Variants in C6orf62 observed in about 807,000 individuals in gnomAD.
C6orf62 encodes chromosome 6 open reading frame 62, also known as uncharacterized protein C6orf62.
C6orf62 carries 16 observed loss-of-function variants against 26.8 expected under a neutral mutation model. The ratio of observed to expected loss-of-function variants is 0.60; its 90% CI spans 0.40 to 0.91. The LOEUF is 0.91. C6orf62 is among the 40% of genes least tolerant of loss of function. C6orf62 has a pLI of 0.00. For synonymous variants in C6orf62, 112 were observed against 91.5 expected (o/e 1.22, Z -1.28); for missense variants, 192 against 271.4 (o/e 0.71, Z 2.06).
intron 1 of C6orf62, among the ~76,000 whole-genome samples, chr6:24,717,155 G>A (rs987861158): frequency 6.6e-6 from 1 of 152,120 alleles, no homozygotes; most frequent in South Asian, 2.1e-4. Context: ...GAATTATTCA[G>A]GGCAACTGCA....
chr6:24,719,965 G>C, upstream of C6orf62: 2 of 1,547,038 alleles, frequency 1.3e-6, no homozygotes, highest in Non-Finnish European at 8.7e-7. Context: ...GGAAGGTTCA[G>C]TGGGGGAAAA....
chr6:24,712,079 T>C (rs1779129976), intron 3 of C6orf62, among the ~76,000 whole-genome samples: 2 of 152,088 alleles, frequency 1.3e-5, no homozygotes, highest in South Asian at 4.1e-4. Flanking sequence ...AGATTAAATA[T>C]ATATAAAGTA....
intron 2 of C6orf62, among the ~76,000 whole-genome samples, chr6:24,715,208 A>G (rs1352150692): frequency 6.6e-6 from 1 of 152,218 alleles, no homozygotes; most frequent in African/African-American, 2.4e-5. Context: ...TGTAGCCAGC[A>G]TATTAATTTT....
chr6:24,714,451 AT>A lies in C6orf62; in HGVS notation c.307-12del. 1 of 1,511,870 alleles carries A rather than the reference AT, an allele frequency of 6.6e-7. No individual in the cohort carries two copies. The allele number at this position is 1,511,870 out of a possible 1,614,324, so 93.7% of individuals were successfully genotyped here. On this transcript the variant is annotated splice_polypyrimidine_tract_variant and intron_variant, in intron 2 of 4. Coordinates refer to ENST00000378119, the MANE Select transcript of C6orf62 (RefSeq NM_030939.5). ...ACAGCCAATTACATCCTATAAAATGATTAAAAAAAAAAAAGTTTACTTTTAA... is the reference window on the plus strand; with the variant it reads ...ACAGCCAATTACATCCTATAAAATGATAAAAAAAAAAAAGTTTACTTTTAA...
At chr6:24,713,922 C>T (rs975098324) in intron 3 of C6orf62, among the ~76,000 whole-genome samples, 40 of 152,284 alleles carry the variant, frequency 2.6e-4, no homozygotes, top group African/African-American at 9.1e-4. Context: ...AGATCAACTT[C>T]TACAAAATGA....
chr6:24,712,098 T>C (rs968013807), intron 3 of C6orf62, among the ~76,000 whole-genome samples: 1 of 152,016 alleles, frequency 6.6e-6, no homozygotes. Context: ...TAAGAGAAAG[T>C]CTAAGGCCAA....
intron 1 of C6orf62, among the ~76,000 whole-genome samples, chr6:24,717,047 A>T (rs1324908842): frequency 5.3e-5 from 8 of 152,148 alleles, no homozygotes. Flanking sequence ...TTGAAAGACT[A>T]AAAAGAAGCA....
intron 4 of C6orf62, 130 bp downstream of exon 4, chr6:24,708,647 C>A: frequency 7.6e-7 from 1 of 1,307,474 alleles, no homozygotes; most frequent in Non-Finnish European, 1.1e-6. Flanking sequence ...CTATTTTTTG[C>A]TTTTTAAATA....
At chr6:24,708,195 C>T (rs1779049383) in intron 4 of C6orf62, among the ~76,000 whole-genome samples, 1 of 151,144 alleles carries the variant, frequency 6.6e-6, no homozygotes, top group Admixed American at 6.6e-5. Flanking sequence ...ATAGTTCTCA[C>T]TACTGTTCAC....
intron 3 of C6orf62, among the ~76,000 whole-genome samples, chr6:24,712,733 C>T (rs1217017918): frequency 6.7e-6 from 1 of 149,248 alleles, no homozygotes; most frequent in Non-Finnish European, 1.5e-5. Context: ...ACAGTCAACT[C>T]TCAATAAACA....
upstream of C6orf62, chr6:24,720,276 C>A: frequency 1.6e-6 from 2 of 1,288,764 alleles, no homozygotes; most frequent in Admixed American, 3.9e-5. Flanking sequence ...GCGGTGGCGG[C>A]GGCGGAAGAG....
chr6:24,710,052 T>C, intron 3 of C6orf62: 4 of 983,462 alleles, frequency 4.1e-6, no homozygotes, highest in Non-Finnish European at 4.8e-6. Context: ...AAAATGATAC[T>C]GAATTGTACT....
chr6:24,714,460 A>G lies in C6orf62; in HGVS notation c.307-20T>C. 6.4e-7 allele frequency: 1 copy of G among 1,551,836 alleles called. No homozygotes were observed. The highest frequency in any genetic ancestry group is 8.7e-7 in the Non-Finnish European group (1 of 1,152,894). On this transcript the variant is annotated intron_variant, in intron 2 of 4. Transcript: ENST00000378119. ...TACATCCTATAAAATGATTAAAAAA[A>G]AAAAAGTTTACTTTTAAAGAAACAG...
Position 24,718,684 on chromosome 6 carries a change from G to GT in C6orf62, c.-17dup, listed in dbSNP as rs1289344194. ...GGTCCCCCATTTTGAAATACAGGTG[G>GT]TACTAAAGCCTTTGGAAATTGTCAC... On this transcript the variant is annotated 5_prime_UTR_variant, in exon 1 of 5. Coordinates refer to ENST00000378119, the MANE Select transcript of C6orf62 (RefSeq NM_030939.5). 6.2e-7 allele frequency: 1 copy of GT among 1,612,854 alleles called. No homozygotes were observed. Among genetic ancestry groups the GT allele is most frequent in the South Asian group, 1.1e-5 (1 of 90,782 alleles).
intron 2 of C6orf62, among the ~76,000 whole-genome samples, chr6:24,715,947 T>TA (rs1340185107): frequency 1.3e-5 from 2 of 150,848 alleles, no homozygotes; most frequent in Admixed American, 6.6e-5. Context: ...TGGTCTGGCG[T>TA]AAAAAAACGT....
intron 4 of C6orf62, among the ~76,000 whole-genome samples, chr6:24,707,599 C>G (rs1040413712): frequency 1.3e-5 from 2 of 152,092 alleles, no homozygotes; most frequent in African/African-American, 2.4e-5. Flanking sequence ...AATCCTCCCC[C>G]ATCGGCTTCC....
At chr6:24,720,242 C>T (rs1779328204), upstream of C6orf62, 9 of 1,299,354 alleles carry the variant, frequency 6.9e-6, no homozygotes, top group East Asian at 2.8e-4. Context: ...GGTTTGGGCC[C>T]TCTAGCCGCA....
At chr6:24,706,917 A>C (rs1779021565) in intron 4 of C6orf62, 1 of 152,200 alleles carries the variant, frequency 6.6e-6, no homozygotes, top group Non-Finnish European at 1.5e-5. Context: ...CTCAAAAAAT[A>C]AATAAAAGAT....
intron 3 of C6orf62, among the ~76,000 whole-genome samples, chr6:24,712,679 A>G (rs1779144588): frequency 8.8e-6 from 1 of 113,920 alleles, no homozygotes; most frequent in South Asian, 3.1e-4. Flanking sequence ...CAACAGAGTG[A>G]GACTCTGTCT....
Sources: gnomAD v4.1 joint callset for allele counts (sites outside exome capture counted in the v4.1 genomes callset) on GRCh38, gnomAD v4.1.1 for gene constraint, MANE v1.5 for transcripts, NCBI Gene and HGNC (gene_info 2026-07-23, HGNC 2026-07-21) for gene names.